SCARA3: variants seen among roughly 807,000 people sequenced by gnomAD.
SCARA3 encodes the protein cellular stress response gene protein.
In SCARA3, 39 loss-of-function variants were observed where a neutral mutation model predicts 47.0. That is an observed-to-expected ratio of 0.83 (90% confidence interval 0.64 to 1.08). SCARA3 has a LOEUF of 1.08. Among genes scored for constraint, SCARA3 ranks in the 50% least tolerant of loss-of-function variants. The pLI is 0.00. For synonymous variants in SCARA3, 356 were observed against 334.1 expected, an observed-to-expected ratio of 1.07 and a Z score of -0.71; for missense variants, 724 against 792.3, an observed-to-expected ratio of 0.91 and a Z score of 1.04.
At chr8:27,647,317 C>G (rs1801525950) in intron 1 of SCARA3, among the ~76,000 whole-genome samples, 1 of 152,174 alleles carries the variant, frequency 6.6e-6, no homozygotes, top group South Asian at 2.1e-4. Context: ...GTCTCTCAGA[C>G]TAGTTGTAGG....
the SCARA3 span, among the ~76,000 whole-genome samples, chr8:27,698,619 G>T: frequency 6.6e-6 from 1 of 151,906 alleles, no homozygotes; most frequent in Non-Finnish European, 1.5e-5. Flanking sequence ...AAATCCTAGG[G>T]AATTTACAAG....
chr8:27,703,290 G>A, the SCARA3 span: 9 of 152,478 alleles, frequency 5.9e-5, no homozygotes, highest in Non-Finnish European at 1.3e-4. Flanking sequence ...CCTGGCAGAG[G>A]ACCCGGGAAC....
At chr8:27,655,668 A>G (rs1318611067) in intron 3 of SCARA3, among the ~76,000 whole-genome samples, 5 of 152,194 alleles carry the variant, frequency 3.3e-5, no homozygotes, top group African/African-American at 1.2e-4. Context: ...TATAAGGATT[A>G]TTTCTAGAAT....
chr8:27,685,593 G>T, the SCARA3 span, among the ~76,000 whole-genome samples: 1 of 152,170 alleles, frequency 6.6e-6, no homozygotes, highest in Non-Finnish European at 1.5e-5. Flanking sequence ...GGAACTTTTA[G>T]ATCTAATAAA....
chr8:27,638,214 G>A (rs1309985532), intron 1 of SCARA3, among the ~76,000 whole-genome samples: 5 of 152,176 alleles, frequency 3.3e-5, no homozygotes, highest in African/African-American at 1.2e-4. Context: ...GTGAAGGACA[G>A]GCAGCTGTTC....
At chr8:27,657,931 C>T (rs1352567143) in intron 4 of SCARA3, among the ~76,000 whole-genome samples, 1 of 152,134 alleles carries the variant, frequency 6.6e-6, no homozygotes, top group Non-Finnish European at 1.5e-5. Context: ...GGTCATGCCA[C>T]AATTCTTGAT....
intron 5 of SCARA3, among the ~76,000 whole-genome samples, chr8:27,665,409 TTC>T (rs1801995973): frequency 6.6e-6 from 1 of 152,242 alleles, no homozygotes; most frequent in Admixed American, 6.5e-5. Context: ...GCAGGGTAAT[TTC>T]AGTGTCTGTG....
chr8:27,681,973 T>C, the SCARA3 span, among the ~76,000 whole-genome samples: 3 of 151,846 alleles, frequency 2.0e-5, no homozygotes, highest in East Asian at 5.8e-4. Flanking sequence ...AAAATAGTAA[T>C]GCAAAATAAA....
Position 27,646,714 on chromosome 8 carries a change from T to G in SCARA3, c.8-2988T>G, listed in dbSNP as rs79242239. 7.9e-3 allele frequency among the ~76,000 whole-genome samples: 1,200 copies of G among 152,084 alleles called. 19 individuals carry two copies. Among genetic ancestry groups the G allele is most frequent in the East Asian group, 0.023 (120 of 5,172 alleles). On this transcript the variant is annotated intron_variant, in intron 1 of 5. Coordinates refer to ENST00000301904, the MANE Select transcript of SCARA3 (RefSeq NM_016240.3). ...GAGGCCATGGCTACTAGGGTGAGGT[T>G]TTGGTCAGACAGAAACAGAAGGTAC...
intron 1 of SCARA3, among the ~76,000 whole-genome samples, chr8:27,637,309 C>A (rs1451771372): frequency 1.3e-5 from 2 of 152,260 alleles, no homozygotes; most frequent in Non-Finnish European, 2.9e-5. Flanking sequence ...TCAGGTGCCA[C>A]CAGCCCCTTG....
At chr8:27,706,248 T>C in the SCARA3 span, among the ~76,000 whole-genome samples, 139,795 of 152,260 alleles carry the variant, frequency 0.92, 65,379 homozygotes, top group Non-Finnish European at 1. Flanking sequence ...CTCTGCCTCC[T>C]GGATTCAACA....
At chr8:27,713,819 T>G in the SCARA3 span, among the ~76,000 whole-genome samples, 2 of 152,206 alleles carry the variant, frequency 1.3e-5, no homozygotes, top group Non-Finnish European at 2.9e-5. Context: ...AATCAGGATG[T>G]GACAGAGTTT....
chr8:27,664,852 G>C (rs1801983503), intron 5 of SCARA3, among the ~76,000 whole-genome samples: 1 of 152,154 alleles, frequency 6.6e-6, no homozygotes, highest in African/African-American at 2.4e-5. Flanking sequence ...CTACACCTGA[G>C]TCTTGGTTCA....
Position 27,671,745 on chromosome 8 carries a change from T to C in SCARA3, c.*394T>C, listed in dbSNP as rs1301854689. On this transcript the variant is annotated 3_prime_UTR_variant, in exon 6 of 6. Coordinates refer to ENST00000301904, the MANE Select transcript of SCARA3 (RefSeq NM_016240.3). ...ACATGCACACACACATGCACACATA[T>C]ATGCACAGGCACACACATGTACGCA... 1.3e-5 allele frequency: 13 copies of C among 1,014,338 alleles called. No individual in the cohort carries two copies. Among genetic ancestry groups the C allele is most frequent in the Non-Finnish European group, 1.5e-5 (13 of 849,722 alleles). 62.8% of individuals were successfully genotyped at this position (1,014,338 alleles called of 1,614,324 possible). A position where few individuals can be genotyped will look rare whatever the true frequency, so the allele number is the denominator to read the frequency against.
intron 5 of SCARA3, among the ~76,000 whole-genome samples, chr8:27,666,512 G>C (rs941371495): frequency 6.6e-6 from 1 of 152,216 alleles, no homozygotes; most frequent in Non-Finnish European, 1.5e-5. Context: ...AAGCAAGTTT[G>C]AGAGTCCCTG....
chr8:27,698,252 G>A, the SCARA3 span, among the ~76,000 whole-genome samples: 3 of 145,332 alleles, frequency 2.1e-5, no homozygotes, highest in Admixed American at 1.4e-4. Flanking sequence ...AAATTAGAAC[G>A]TAAATATTAA....
chr8:27,710,012 T>C, the SCARA3 span, among the ~76,000 whole-genome samples: 2 of 152,056 alleles, frequency 1.3e-5, no homozygotes, highest in Non-Finnish European at 2.9e-5. Context: ...GGGCGGATCA[T>C]GAGGTCAGGA....
At chr8:27,634,488 G>A (rs925394843) in intron 1 of SCARA3, among the ~76,000 whole-genome samples, 1 of 152,130 alleles carries the variant, frequency 6.6e-6, no homozygotes, top group Non-Finnish European at 1.5e-5. Context: ...AAAATCCAGA[G>A]AAGTTTCTGA....
At chr8:27,673,473 A>G (rs561818904), downstream of SCARA3, among the ~76,000 whole-genome samples, 16 of 152,398 alleles carry the variant, frequency 1.0e-4, no homozygotes, top group Admixed American at 1.3e-4. Context: ...GTGAGTCGGC[A>G]CAGCAGCCTC....
Sources: allele counts gnomAD v4.1 joint callset (sites outside exome capture counted in the v4.1 genomes callset), GRCh38; gene constraint gnomAD v4.1.1; transcripts MANE v1.5; gene names NCBI Gene and HGNC (gene_info 2026-07-23, HGNC 2026-07-21).